The following KIAA1549L variants were observed in gnomAD, a reference collection of about 807,000 sequenced individuals.
KIAA1549L encodes KIAA1549 like.
Under a neutral mutation model 160.7 loss-of-function variants are expected in KIAA1549L, and 88 were observed. The ratio of observed to expected loss-of-function variants is 0.55; its 90% CI spans 0.46 to 0.65. KIAA1549L has a LOEUF of 0.65. Ranked by LOEUF, KIAA1549L falls within the 30% of genes least tolerant of loss-of-function variation. KIAA1549L has a pLI of 0.00. For missense variants in KIAA1549L, 2,258 were observed against 2,437.5 expected, an observed-to-expected ratio of 0.93 and a Z score of 1.55; for synonymous variants, 950 against 976.7, an observed-to-expected ratio of 0.97 and a Z score of 0.51.
chr11:33,408,160 CAGAA>C (rs1030137094), intron 1 of KIAA1549L, among the ~76,000 whole-genome samples: 15 of 152,124 alleles, frequency 9.9e-5, no homozygotes, highest in African/African-American at 3.4e-4. Flanking sequence ...GTGTACAAAA[CAGAA>C]AGATTGGAAA....
rs751434579 is a variant in KIAA1549L, at chr11:33,609,895, C to T, written c.5208C>T (p.Ala1736=). ...AAAGAAAGAAGATGTATGAAAAAGC[C>T]CCGAAGGAAATGGAGCATGTTTTGG... is the stretch of plus-strand genomic sequence containing the variant. ...LTERKKMYEK[A]PKEMEHVLDP... Residue 1736 remains alanine, a synonymous_variant, in exon 15 of 21, where the codon GCC becomes GCT. Coordinates refer to ENST00000658780, the MANE Select transcript of KIAA1549L (RefSeq NM_012194.3). 6.2e-7 allele frequency: 1 copy of T among 1,613,948 alleles called. No homozygotes were observed. Among genetic ancestry groups the T allele is most frequent in the Non-Finnish European group, 8.5e-7 (1 of 1,179,864 alleles).
chr11:33,431,072 C>T (rs569668301), intron 1 of KIAA1549L, among the ~76,000 whole-genome samples: 1 of 152,024 alleles, frequency 6.6e-6, no homozygotes, highest in East Asian at 1.9e-4. Flanking sequence ...CAGACCTTTG[C>T]GGTGAGTGCT....
rs779368756 is a variant in KIAA1549L at position 33,598,846 on chromosome 11, T to A, written c.4778T>A (p.Val1593Asp). Residue 1593 changes from valine to aspartate, a missense_variant, in exon 13 of 21, where the codon GTC becomes GAC. By Grantham distance (152) the Val-to-Asp change is radical. Transcript: ENST00000658780. The part of the protein sequence containing the change: ...KSRSPSENGS[V>D]ISNESGKPSS... The stretch of plus-strand genomic sequence containing the variant: ...AGGTCGCCCAGTGAGAATGGCTCTG[T>A]CATCAGCAACGAATCAGGGAAGCCC... The A allele has an allele frequency of 6.2e-7, 1 of 1,613,908 alleles. No homozygotes were observed. The highest frequency in any genetic ancestry group is 1.1e-5 in the South Asian group (1 of 91,078).
At chr11:33,588,141 T>G (rs1849935832) in intron 11 of KIAA1549L, among the ~76,000 whole-genome samples, 1 of 152,196 alleles carries the variant, frequency 6.6e-6, no homozygotes, top group Non-Finnish European at 1.5e-5. Flanking sequence ...ATAGTGAAGA[T>G]GCAATGATAT....
chr11:33,459,440 A>G (rs1160425378), intron 1 of KIAA1549L, among the ~76,000 whole-genome samples: 1 of 152,166 alleles, frequency 6.6e-6, no homozygotes, highest in Non-Finnish European at 1.5e-5. Context: ...GCCTTTGGCC[A>G]CTTCGTTGTG....
At chr11:33,467,161 C>T (rs576548430) in intron 1 of KIAA1549L, among the ~76,000 whole-genome samples, 28 of 151,820 alleles carry the variant, frequency 1.8e-4, no homozygotes, top group African/African-American at 5.6e-4. Context: ...CTTTTCATAA[C>T]GAAGTTGATT....
chr11:33,470,347 C>T (rs995402905), intron 1 of KIAA1549L, among the ~76,000 whole-genome samples: 5 of 152,032 alleles, frequency 3.3e-5, no homozygotes, highest in African/African-American at 1.2e-4. Context: ...TACTTTTGGA[C>T]TCTCAGTTCT....
rs1019432175 is a variant in KIAA1549L, at chr11:33,668,622, C to T, written c.*468C>T. 5 of 162,914 alleles carry T rather than the reference C, an allele frequency of 3.1e-5. No individual in the cohort carries two copies. Among genetic ancestry groups the T allele is most frequent in the South Asian group, 3.5e-4 (2 of 5,780 alleles). The allele number at this position is 162,914 out of a possible 1,614,324, so 10.1% of individuals were successfully genotyped here. A position where few individuals can be genotyped will look rare whatever the true frequency, so the allele number is the denominator to read the frequency against. ...GACTGTATTCTCATTCAACCATGAC[C>T]GTGCGCATTAAAATCAGTTTGTAAG... On this transcript the variant is annotated 3_prime_UTR_variant, in exon 21 of 21. Transcript: ENST00000658780.
At chr11:33,571,543 G>C (rs1855255941) in intron 9 of KIAA1549L, among the ~76,000 whole-genome samples, 1 of 152,184 alleles carries the variant, frequency 6.6e-6, no homozygotes, top group Non-Finnish European at 1.5e-5. Context: ...GCCTAAGGAA[G>C]CTTCAAGCAT....
intron 17 of KIAA1549L, among the ~76,000 whole-genome samples, chr11:33,649,467 T>G (rs1250270466): frequency 6.9e-6 from 1 of 144,416 alleles, no homozygotes; most frequent in Non-Finnish European, 1.5e-5. Context: ...ACCATTGTAC[T>G]CCAGCCTGGG....
intron 18 of KIAA1549L, among the ~76,000 whole-genome samples, chr11:33,656,425 AC>A (rs1852067860): frequency 1.3e-5 from 2 of 152,150 alleles, no homozygotes; most frequent in African/African-American, 4.8e-5. Context: ...GGCTACCACA[AC>A]AGCTGCTACC....
intron 1 of KIAA1549L, among the ~76,000 whole-genome samples, chr11:33,400,931 G>A (rs746149669): frequency 1.3e-5 from 2 of 152,122 alleles, no homozygotes; most frequent in Non-Finnish European, 2.9e-5. Flanking sequence ...GGACCACATA[G>A]CATAATGTTG....
Position 33,432,026 on chromosome 11 carries a change from C to T in KIAA1549L, c.238+55137C>T, listed in dbSNP as rs535888467. On this transcript the variant is annotated intron_variant, in intron 1 of 20. Transcript: ENST00000658780. The stretch of plus-strand genomic sequence containing the variant: ...ATTGCCCGGGGCCGGCATGGCAGGC[C>T]GGCTGCTCCGAGTGCGGGGCCTGCC... 4.6e-5 allele frequency among the ~76,000 whole-genome samples: 7 copies of T among 152,330 alleles called. No individual in the cohort carries two copies. The South Asian group carries it at 1.0e-3, about 23-fold the overall frequency.
chr11:33,527,491 G>C (rs916654155), intron 1 of KIAA1549L, among the ~76,000 whole-genome samples: 1 of 152,108 alleles, frequency 6.6e-6, no homozygotes, highest in Non-Finnish European at 1.5e-5. Flanking sequence ...AATTATAAAA[G>C]ATAACATTGG....
At chr11:33,464,796 TTCTTGATCACCCTGTG>T (rs1430335453) in intron 1 of KIAA1549L, among the ~76,000 whole-genome samples, 1 of 152,064 alleles carries the variant, frequency 6.6e-6, no homozygotes, top group Non-Finnish European at 1.5e-5. Context: ...TACTAGCTCT[TTCTTGATCACCCTGTG>T]TCTTCCCCCA....
At chr11:33,447,701 C>T (rs1851644151) in intron 1 of KIAA1549L, among the ~76,000 whole-genome samples, 1 of 151,716 alleles carries the variant, frequency 6.6e-6, no homozygotes, top group East Asian at 1.9e-4. Context: ...TACTACCTGG[C>T]ATTATGTTGT....
At chr11:33,481,895 A>G (rs1852418951) in intron 1 of KIAA1549L, among the ~76,000 whole-genome samples, 1 of 152,244 alleles carries the variant, frequency 6.6e-6, no homozygotes, top group Non-Finnish European at 1.5e-5. Context: ...TTTTAAGCCC[A>G]TGGGCTCATC....
rs182540542 is a variant in KIAA1549L, at chr11:33,538,943, C to G, written c.239-2859C>G. Among the ~76,000 whole-genome samples the G allele has an allele frequency of 1.1e-3, 165 of 152,322 alleles. 1 individual carries two copies. The highest frequency in any genetic ancestry group is 3.9e-3 in the African/African-American group (161 of 41,580). ...AGGCTATTCTTAAAGGGAAGTGCCCCCGTCCTGTTCCTGTCTAGGTAATTT... is the reference window on the plus strand; with the variant it reads ...AGGCTATTCTTAAAGGGAAGTGCCCGCGTCCTGTTCCTGTCTAGGTAATTT... On this transcript the variant is annotated intron_variant, in intron 1 of 20. Transcript: ENST00000658780.
At chr11:33,495,844 T>C (rs1301319415) in intron 1 of KIAA1549L, among the ~76,000 whole-genome samples, 3 of 151,812 alleles carry the variant, frequency 2.0e-5, no homozygotes, top group Admixed American at 2.0e-4. Flanking sequence ...TGGTATCTCA[T>C]TGTGGTTTTG....
Sources: allele counts gnomAD v4.1 joint callset (sites outside exome capture counted in the v4.1 genomes callset), GRCh38; gene constraint gnomAD v4.1.1; transcripts MANE v1.5; gene names NCBI Gene and HGNC (gene_info 2026-07-23, HGNC 2026-07-21).